The following DLG4 variants were observed in gnomAD, a reference collection of about 807,000 sequenced individuals.
The protein encoded by DLG4 is disks large homolog 4.
DLG4 carries 7 observed loss-of-function variants against 93.8 expected under a neutral mutation model. The ratio of observed to expected loss-of-function variants is 0.07; its 90% confidence interval spans 0.04 to 0.14. DLG4 has a LOEUF of 0.14. Ranked by LOEUF, DLG4 falls within the 10% of genes least tolerant of loss-of-function variation. DLG4 has a pLI of 1.00. For missense variants in DLG4, 545 were observed against 992.9 expected (o/e 0.55, Z 6.06); for synonymous variants, 341 against 387.6 (o/e 0.88, Z 1.41).
chr17:7,193,944 T>C lies in DLG4; in HGVS notation c.1515+20A>G. 1 of 1,613,664 alleles carries C rather than the reference T, an allele frequency of 6.2e-7. No individual in the cohort carries two copies. The highest frequency in any genetic ancestry group is 8.5e-7 in the Non-Finnish European group (1 of 1,179,784). On this transcript the variant is annotated intron_variant, in intron 13 of 19. Transcript: ENST00000399506. This position sits in a 1 kb window ranked among gnomAD's most constrained non-coding sequence, Gnocchi z 6.7. Reference sequence around the variant, plus strand: ...TGAGCCCTCACACTTCCACCCAGGCTCACACCCTCCTCCACCTACCTTGGC... The same window carrying C: ...TGAGCCCTCACACTTCCACCCAGGCCCACACCCTCCTCCACCTACCTTGGC...
chr17:7,207,704 C>G (rs1009124227), intron 2 of DLG4, among the ~76,000 whole-genome samples: 1 of 151,868 alleles, frequency 6.6e-6, no homozygotes, highest in Non-Finnish European at 1.5e-5. Context: ...ATACAGCACA[C>G]GCACAGGCAC....
At position 7,188,813 on chromosome 17, in the gene DLG4, T is replaced by C. The variant is rs1451539763; in HGVS notation, c.*1895A>G. On this transcript the variant is annotated 3_prime_UTR_variant, in exon 20 of 20. Coordinates refer to ENST00000399506, the MANE Select transcript of DLG4 (RefSeq NM_001321075.3). ...ACAAAGCTGCCTCAGATCTTTCCCATAGAGATAGGACATAAAGGCTGGGCG... is the reference window on the plus strand; with the variant it reads ...ACAAAGCTGCCTCAGATCTTTCCCACAGAGATAGGACATAAAGGCTGGGCG... 1.3e-5 allele frequency among the ~76,000 whole-genome samples: 2 copies of C among 152,098 alleles called. No homozygotes were observed. Among genetic ancestry groups the C allele is most frequent in the African/African-American group, 2.4e-5 (1 of 41,422 alleles).
chr17:7,192,537 A>C, intron 17 of DLG4: 1 of 229,018 alleles, frequency 4.4e-6, no homozygotes. Flanking sequence ...GAAAGGAGTT[A>C]GCAGAGGAGT....
upstream of DLG4, chr17:7,218,859 C>T (rs762251270): frequency 6.2e-7 from 1 of 1,613,636 alleles, no homozygotes; most frequent in East Asian, 2.2e-5. Flanking sequence ...TCTCTCTCTT[C>T]TCTCACTTTA....
intron 2 of DLG4, 157 bp from the exon 3 acceptor site, chr17:7,204,409 TCACACACACGCACACGCGTGCA>T (rs1372789819): frequency 3.0e-6 from 2 of 664,744 alleles, no homozygotes; most frequent in East Asian, 5.5e-5. Flanking sequence ...TCAATCCACA[TCACACACACGCACACGCGTGCA>T]CATGCGCACG....
At chr17:7,207,274 G>A (rs1372188186) in intron 2 of DLG4, among the ~76,000 whole-genome samples, 2 of 152,014 alleles carry the variant, frequency 1.3e-5, no homozygotes, top group African/African-American at 4.8e-5. Flanking sequence ...GACTGATCAG[G>A]CCCCAGCGGC....
Position 7,193,714 on chromosome 17 carries a change from C to A in DLG4, c.1544G>T (p.Gly515Val). 6.3e-7 allele frequency: 1 copy of A among 1,584,694 alleles called. No homozygotes were observed. ...GTAGCTCAGAACCGAGTCTTCTCGACCTGGTGGGAGGTGGGGCATCTGCAA... is the reference window on the plus strand; with the variant it reads ...GTAGCTCAGAACCGAGTCTTCTCGAACTGGTGGGAGGTGGGGCATCTGCAA... ...KDWGSSSGSQ[G>V]REDSVLSYET... Residue 515 changes from glycine to valine, a missense_variant and splice_region_variant, in exon 15 of 20, where the codon GGT becomes GTT. This residue lies in a region of DLG4 where 428 missense variants were observed against 741.4 expected (regional missense o/e 0.58). Transcript: ENST00000399506. The surrounding 1 kb of genome is among the most constrained non-coding windows in gnomAD (Gnocchi z 6.7).
intron 2 of DLG4, among the ~76,000 whole-genome samples, chr17:7,206,300 C>T (rs1567545229): frequency 6.6e-6 from 1 of 152,118 alleles, no homozygotes; most frequent in African/African-American, 2.4e-5. Flanking sequence ...TTCTCCCTTA[C>T]CCTACCTTCA....
chr17:7,203,697 G>A lies in DLG4; in HGVS notation c.330C>T (p.Arg110=), dbSNP rs759222522. ...IPGGAAAQDG[R]LRVNDSILFV... is the part of the protein sequence containing the mutation. ...CCCCTGTCTCCTCTCCCCACCTGAG[G>A]CGGCCATCCTGGGCCGCAGCCCCAC... The change falls in exon 5 of 20, where the codon CGC becomes CGT. Residue 110 remains arginine (R), a synonymous_variant. Coordinates refer to ENST00000399506, the MANE Select transcript of DLG4 (RefSeq NM_001321075.3). The surrounding 1 kb of genome is among the most constrained non-coding windows in gnomAD (Gnocchi z 7.2). 1 of 1,613,928 alleles carries A rather than the reference G, an allele frequency of 6.2e-7. No homozygotes were observed. Among genetic ancestry groups the A allele is most frequent in the South Asian group, 1.1e-5 (1 of 91,068 alleles).
chr17:7,209,764 T>C (rs1225630029), intron 1 of DLG4, among the ~76,000 whole-genome samples: 1 of 151,970 alleles, frequency 6.6e-6, no homozygotes, highest in Middle Eastern at 3.2e-3. Flanking sequence ...AGTAAGACCC[T>C]GTCTCAAAAA....
At chr17:7,202,261 G>C (rs1360645114) in intron 8 of DLG4, among the ~76,000 whole-genome samples, 1 of 152,014 alleles carries the variant, frequency 6.6e-6, no homozygotes, top group African/African-American at 2.4e-5. Context: ...ACAGGATCTC[G>C]CTTTGTTGCC....
intron 2 of DLG4, 89 bp from the exon 3 acceptor site, chr17:7,204,341 T>C (rs2070341226): frequency 1.5e-6 from 2 of 1,315,178 alleles, no homozygotes; most frequent in Non-Finnish European, 2.1e-6. Flanking sequence ...GTGGCTACCC[T>C]TTCAGCCTCT....
intron 2 of DLG4, chr17:7,205,124 A>G: frequency 9.1e-6 from 9 of 985,526 alleles, no homozygotes; most frequent in Non-Finnish European, 1.1e-5. Context: ...CGCATCCTGA[A>G]TAACCTGCCT....
At chr17:7,201,055 C>T (rs548842900) in intron 8 of DLG4, among the ~76,000 whole-genome samples, 2 of 151,238 alleles carry the variant, frequency 1.3e-5, no homozygotes, top group East Asian at 2.0e-4. Flanking sequence ...GTAGAGACAG[C>T]GTTTCTCCAT....
rs2069345225 is a variant in DLG4, at chr17:7,188,171, A to G, written c.*2537T>C. ...CCAGAAATGCAGACCCCTGGTCCCT[A>G]TCCCCAGGATCCTGATGGACTCGGT... is the stretch of plus-strand genomic sequence containing the variant. On this transcript the variant is annotated 3_prime_UTR_variant, in exon 20 of 20. Coordinates refer to ENST00000399506, the MANE Select transcript of DLG4 (RefSeq NM_001321075.3). Among the ~76,000 whole-genome samples, 1 of 152,010 alleles carries G rather than the reference A, an allele frequency of 6.6e-6. No homozygotes were observed. The highest frequency in any genetic ancestry group is 2.4e-5 in the African/African-American group (1 of 41,364).
At chr17:7,197,731 C>T (rs946851487) in intron 8 of DLG4, among the ~76,000 whole-genome samples, 2 of 152,056 alleles carry the variant, frequency 1.3e-5, no homozygotes, top group African/African-American at 2.4e-5. Context: ...ATGATCCACC[C>T]GCTTATGCCT....
At chr17:7,202,669 C>A in intron 8 of DLG4, 1 of 551,612 alleles carries the variant, frequency 1.8e-6, no homozygotes, top group Admixed American at 3.4e-5. Context: ...CAAAATTAGC[C>A]ATAAAACCAA....
intron 1 of DLG4, chr17:7,213,763 C>T (rs1464127422): frequency 1.9e-5 from 9 of 471,000 alleles, no homozygotes; most frequent in Non-Finnish European, 4.0e-5. Flanking sequence ...ATAAAATGCC[C>T]ATACATGGTA....
At chr17:7,200,275 T>C (rs2142865793) in intron 8 of DLG4, among the ~76,000 whole-genome samples, 1 of 152,314 alleles carries the variant, frequency 6.6e-6, no homozygotes, top group Non-Finnish European at 1.5e-5. Flanking sequence ...TGTAGATTAA[T>C]TTGGAGCCGG....
Sources: allele counts gnomAD v4.1 joint callset (sites outside exome capture counted in the v4.1 genomes callset), GRCh38; gene constraint gnomAD v4.1.1; regional missense constraint gnomAD v4.1.1; non-coding constraint Gnocchi (gnomAD v3.1); transcripts MANE v1.5; gene names NCBI Gene and HGNC (gene_info 2026-07-23, HGNC 2026-07-21).